DPH7: variants seen among roughly 807,000 people sequenced by gnomAD.
DPH7 encodes diphthine methyltransferase.
DPH7 carries 44 observed loss-of-function variants against 41.7 expected under a neutral mutation model. The ratio of observed to expected loss-of-function variants is 1.05; its 90% CI spans 0.83 to 1.36. The LOEUF (loss-of-function observed/expected upper bound fraction) is 1.36, where lower values mean the gene tolerates loss of function less well. DPH7 is among the 40% of genes most tolerant of loss of function. The pLI, the probability that DPH7 is intolerant of heterozygous loss-of-function variation, is 0.00. For missense variants in DPH7, 629 were observed against 577.5 expected (o/e 1.09, Z -0.91); for synonymous variants, 275 against 238.0 (o/e 1.16, Z -1.43).
chr9:137,556,951 C>A lies in DPH7; in HGVS notation c.950-1303G>T, dbSNP rs920363133. 1 of 454,780 alleles carries A rather than the reference C, an allele frequency of 2.2e-6. No individual in the cohort carries two copies. Among genetic ancestry groups the A allele is most frequent in the Non-Finnish European group, 4.4e-6 (1 of 226,288 alleles). 28.2% of individuals were successfully genotyped at this position (454,780 alleles called of 1,614,324 possible). A position where few individuals can be genotyped will look rare whatever the true frequency, so the allele number is the denominator to read the frequency against. Reference sequence around the variant, plus strand: ...CCCTTTCTGATTAGCCACAGGCCAACGTTTCCTCCCTCTTTTTATTTTCAA... The same window carrying A: ...CCCTTTCTGATTAGCCACAGGCCAAAGTTTCCTCCCTCTTTTTATTTTCAA... On this transcript the variant is annotated intron_variant, in intron 8 of 8. Coordinates refer to ENST00000277540, the MANE Select transcript of DPH7 (RefSeq NM_138778.5). The surrounding 1 kb of genome is among the most constrained non-coding windows in gnomAD (Gnocchi z 5.2).
At chr9:137,562,334 G>C (rs1838776024) in intron 8 of DPH7, among the ~76,000 whole-genome samples, 1 of 152,248 alleles carries the variant, frequency 6.6e-6, no homozygotes, top group Non-Finnish European at 1.5e-5. Flanking sequence ...CACACTCTAG[G>C]CCACAAAACT....
chr9:137,564,763 G>T, intron 7 of DPH7, 130 bp downstream of exon 7: 1 of 1,424,920 alleles, frequency 7.0e-7, no homozygotes, highest in Non-Finnish European at 9.7e-7. Context: ...ACACTCCGGC[G>T]AAGCACTGGC....
rs370507645 is a variant in DPH7 at position 137,555,485 on chromosome 9, G to C, written c.1113C>G (p.Ser371Arg). The C allele has an allele frequency of 2.5e-6, 4 of 1,614,050 alleles. No homozygotes were observed. The highest frequency in any genetic ancestry group is 1.1e-5 in the South Asian group (1 of 91,070). Residue 371 changes from serine (S) to arginine (R), a missense_variant, in exon 9 of 9, where the codon AGC becomes AGG. By Grantham distance (110) the Ser-to-Arg change is moderately radical. Coordinates refer to ENST00000277540, the MANE Select transcript of DPH7 (RefSeq NM_138778.5). ...GTKTADLKGA[S>R]ELPTPCHECR... The stretch of plus-strand genomic sequence containing the variant: ...ATTCATGACAGGGTGTTGGCAACTC[G>C]CTTGCACCCTTCAGGTCTGCCGTCT...
At chr9:137,572,713 G>C (rs1313299659) in intron 5 of DPH7, among the ~76,000 whole-genome samples, 2 of 152,162 alleles carry the variant, frequency 1.3e-5, no homozygotes, top group African/African-American at 4.8e-5. Flanking sequence ...CTCCTTCCTG[G>C]AAACACCAGT....
chr9:137,557,761 G>A (rs569235911), intron 8 of DPH7, among the ~76,000 whole-genome samples: 64 of 151,132 alleles, frequency 4.2e-4, no homozygotes, highest in Admixed American at 1.4e-3. Flanking sequence ...GGAGGTTGCA[G>A]TAAGCTGAGA....
chr9:137,576,560 A>T (rs1841424025), intron 2 of DPH7, among the ~76,000 whole-genome samples: 1 of 152,194 alleles, frequency 6.6e-6, no homozygotes, highest in South Asian at 2.1e-4. Flanking sequence ...CAACATAGCA[A>T]GACCCTGTTT....
intron 8 of DPH7, 57 bp downstream of exon 8, chr9:137,564,377 G>A (rs1027417822): frequency 2.6e-5 from 40 of 1,561,898 alleles, no homozygotes; most frequent in Non-Finnish European, 3.1e-5. Flanking sequence ...AGCAGAGCGA[G>A]GGGGCAGGGA....
chr9:137,556,017 G>A lies in DPH7; in HGVS notation c.950-369C>T, dbSNP rs1837445342. On this transcript the variant is annotated intron_variant, in intron 8 of 8. Transcript: ENST00000277540. The surrounding 1 kb of genome is among the most constrained non-coding windows in gnomAD (Gnocchi z 5.2). ...GAAGGAAGGGGATGTCTGAGGAACAGGCAGCATGTGTACAGCAGAGGTGAG... is the reference window on the plus strand; with the variant it reads ...GAAGGAAGGGGATGTCTGAGGAACAAGCAGCATGTGTACAGCAGAGGTGAG... Among the ~76,000 whole-genome samples the A allele has an allele frequency of 6.6e-6, 1 of 152,188 alleles. No homozygotes were observed. Among genetic ancestry groups the A allele is most frequent in the Non-Finnish European group, 1.5e-5 (1 of 68,036 alleles).
In DPH7 at chr9:137,556,673, G is replaced by A. The variant is rs1393699385; in HGVS notation, c.950-1025C>T. 8.2e-6 allele frequency: 3 copies of A among 364,750 alleles called. No homozygotes were observed. The highest frequency in any genetic ancestry group is 4.3e-5 in the African/African-American group (2 of 46,662). 22.6% of individuals were successfully genotyped at this position (364,750 alleles called of 1,614,324 possible). A position where few individuals can be genotyped will look rare whatever the true frequency, so the allele number is the denominator to read the frequency against. ...CAGGGGCCCTCGAGCAGCATGTGTG[G>A]GGCGACCCTCGGGAGGAAGCCCCTG... is the stretch of plus-strand genomic sequence containing the variant. On this transcript the variant is annotated intron_variant, in intron 8 of 8. Coordinates refer to ENST00000277540, the MANE Select transcript of DPH7 (RefSeq NM_138778.5). The surrounding 1 kb of genome is among the most constrained non-coding windows in gnomAD (Gnocchi z 5.2).
At chr9:137,575,744 C>A in intron 3 of DPH7, 1 of 1,095,292 alleles carries the variant, frequency 9.1e-7, no homozygotes, top group Non-Finnish European at 1.1e-6. Flanking sequence ...ATGCCATCTT[C>A]ACACAGGATG....
chr9:137,574,196 A>G lies in DPH7; in HGVS notation c.640+12T>C, dbSNP rs750024280. 3 of 1,612,578 alleles carry G rather than the reference A, an allele frequency of 1.9e-6. No homozygotes were observed. In the Admixed American group the frequency reaches 5.0e-5, roughly 27 times the overall value. Reference sequence around the variant, plus strand: ...GCCTTCCATCAGAGGTGACCGGTGGAGGAATACTGACCTGAATACACAATT... The same window carrying G: ...GCCTTCCATCAGAGGTGACCGGTGGGGGAATACTGACCTGAATACACAATT... On this transcript the variant is annotated intron_variant, in intron 5 of 8. Transcript: ENST00000277540.
In DPH7 at chr9:137,568,533, G is replaced by A. The variant is rs564835606; in HGVS notation, c.641-3379C>T. On this transcript the variant is annotated intron_variant, in intron 5 of 8. Coordinates refer to ENST00000277540, the MANE Select transcript of DPH7 (RefSeq NM_138778.5). ...GAAGCTCCCCTGGGTGACTGTCTGT[G>A]AGGAAGCTCCCCTGGGTGACTCTGT... is the stretch of plus-strand genomic sequence containing the variant. Among the ~76,000 whole-genome samples, 22 of 147,562 alleles carry A rather than the reference G, an allele frequency of 1.5e-4. No homozygotes were observed. The South Asian group carries it at 4.7e-3, about 31-fold the overall frequency.
At chr9:137,570,425 C>A (rs1004995931) in intron 5 of DPH7, among the ~76,000 whole-genome samples, 1 of 152,206 alleles carries the variant, frequency 6.6e-6, no homozygotes, top group African/African-American at 2.4e-5. Flanking sequence ...CTATCCAGAA[C>A]CCAACCACTG....
Position 137,574,080 on chromosome 9 carries a change from C to T in DPH7, c.640+128G>A, listed in dbSNP as rs556227946. 2.9e-5 allele frequency: 31 copies of T among 1,070,772 alleles called. No homozygotes were observed. The South Asian group carries it at 4.3e-4, about 15-fold the overall frequency. The allele number at this position is 1,070,772 out of a possible 1,614,324, so 66.3% of individuals were successfully genotyped here. On this transcript the variant is annotated intron_variant, in intron 5 of 8. Transcript: ENST00000277540. Reference sequence around the variant, plus strand: ...ACTCAGTTTCAAAAAAAAAAGTACACTTTCCATAAAAGGTCTTCAAGATCC... The same window carrying T: ...ACTCAGTTTCAAAAAAAAAAGTACATTTTCCATAAAAGGTCTTCAAGATCC...
chr9:137,577,387 CTTG>C, intron 2 of DPH7, 80 bp downstream of exon 2: 1 of 1,359,660 alleles, frequency 7.4e-7, no homozygotes. Context: ...CAATGCCTGT[CTTG>C]TTGAAGGCAT....
chr9:137,578,558 G>C, intron 1 of DPH7, 67 bp downstream of exon 1: 1 of 1,393,730 alleles, frequency 7.2e-7, no homozygotes, highest in Non-Finnish European at 9.3e-7. Context: ...GGGCGATTCG[G>C]TGCGCCTTTC....
chr9:137,575,410 T>A, intron 3 of DPH7: 1 of 988,626 alleles, frequency 1.0e-6, no homozygotes, highest in South Asian at 4.6e-5. Context: ...CTTTCCTGGG[T>A]TCATGCACTC....
At chr9:137,560,855 C>CAAAA (rs35798746) in intron 8 of DPH7, among the ~76,000 whole-genome samples, 1 of 123,456 alleles carries the variant, frequency 8.1e-6, no homozygotes, top group African/African-American at 3.1e-5. Context: ...GACTCTGTCT[C>CAAAA]AAAAAAAAAA....
chr9:137,573,418 C>T (rs1175773543), intron 5 of DPH7, among the ~76,000 whole-genome samples: 1 of 145,398 alleles, frequency 6.9e-6, no homozygotes, highest in South Asian at 2.2e-4. Context: ...GTGGCTCACA[C>T]CTGTAATCCC....
Sources: allele counts gnomAD v4.1 joint callset (sites outside exome capture counted in the v4.1 genomes callset), GRCh38; gene constraint gnomAD v4.1.1; non-coding constraint Gnocchi (gnomAD v3.1); transcripts MANE v1.5; gene names NCBI Gene and HGNC (gene_info 2026-07-23, HGNC 2026-07-21).